PFKP: variants seen among roughly 807,000 people sequenced by gnomAD.
The protein encoded by PFKP is ATP-dependent 6-phosphofructokinase, platelet type.
PFKP carries 101 observed loss-of-function variants against 94.3 expected under a neutral mutation model. The ratio of observed to expected loss-of-function variants is 1.07; its 90% confidence interval spans 0.91 to 1.26. The LOEUF (loss-of-function observed/expected upper bound fraction) is 1.26, where lower values mean the gene tolerates loss of function less well. PFKP is among the 50% of genes most tolerant of loss of function. The pLI, the probability that PFKP is intolerant of heterozygous loss-of-function variation, is 0.00. For synonymous variants in PFKP, 573 were observed against 432.6 expected, an observed-to-expected ratio of 1.32 and a Z score of -4.03; for missense variants, 1,145 against 1,103.3, an observed-to-expected ratio of 1.04 and a Z score of -0.53.
At position 3,067,557 on chromosome 10, in the gene PFKP, T is replaced by C. The variant is rs1026790491; in HGVS notation, c.-39T>C. The C allele has an allele frequency of 6.1e-6, 7 of 1,149,776 alleles. No homozygotes were observed. The highest frequency in any genetic ancestry group is 7.4e-6 in the Non-Finnish European group (6 of 806,656). The allele number at this position is 1,149,776 out of a possible 1,614,324, so 71.2% of individuals were successfully genotyped here. A position where few individuals can be genotyped will look rare whatever the true frequency, so the allele number is the denominator to read the frequency against. ...CGCGGGCAGGGTCCCCATTGCCTGC[T>C]GCGCACCCGGACGTGCGGCTCCCCT... On this transcript the variant is annotated 5_prime_UTR_variant, in exon 1 of 22. Transcript: ENST00000381125.
At chr10:3,100,862 C>CAAAATAAATAAAAA in intron 3 of PFKP, 2 of 653,980 alleles carry the variant, frequency 3.1e-6, no homozygotes, top group Non-Finnish European at 5.0e-6. Context: ...GTATGTGGTG[C>CAAAATAAATAAAAA]AAAAAAAAAA....
intron 16 of PFKP, chr10:3,129,224 T>C (rs1838285189): frequency 6.6e-6 from 1 of 152,268 alleles, no homozygotes; most frequent in African/African-American, 2.4e-5. Context: ...TGGGATCCGA[T>C]GCCTGTGCAT....
intron 1 of PFKP, among the ~76,000 whole-genome samples, chr10:3,074,952 G>T (rs1373980055): frequency 6.6e-6 from 1 of 152,070 alleles, no homozygotes; most frequent in Non-Finnish European, 1.5e-5. Flanking sequence ...CCAGAACAGA[G>T]ATTTACCCAC....
chr10:3,090,174 C>T (rs999539840), intron 2 of PFKP, among the ~76,000 whole-genome samples: 9 of 152,120 alleles, frequency 5.9e-5, no homozygotes, highest in Non-Finnish European at 1.0e-4. Flanking sequence ...GGCGTATATA[C>T]GCAATGGAAT....
intron 2 of PFKP, among the ~76,000 whole-genome samples, chr10:3,091,175 T>C (rs1057066895): frequency 6.6e-6 from 1 of 152,182 alleles, no homozygotes; most frequent in African/African-American, 2.4e-5. Flanking sequence ...AGTTAACCCA[T>C]TCCTTTCTAC....
rs1276350172 is a variant in PFKP at position 3,135,895 on chromosome 10, G to C, written c.2225+57G>C. ...ACCCCAATGTGAGTACGGGACAGGG[G>C]AATGGCCATTGCTGTTGCTGTCGGC... On this transcript the variant is annotated intron_variant, in intron 21 of 21. Coordinates refer to ENST00000381125, the MANE Select transcript of PFKP (RefSeq NM_002627.5). The C allele has an allele frequency of 3.0e-6, 3 of 1,005,044 alleles. No individual in the cohort carries two copies. The East Asian group carries it at 7.2e-5, about 24-fold the overall frequency. The allele number at this position is 1,005,044 out of a possible 1,614,324, so 62.3% of individuals were successfully genotyped here.
At chr10:3,098,534 G>A (rs1052009499) in intron 2 of PFKP, among the ~76,000 whole-genome samples, 1 of 151,876 alleles carries the variant, frequency 6.6e-6, no homozygotes, top group African/African-American at 2.4e-5. Flanking sequence ...AATTAGCCAG[G>A]TGCAGTGGCA....
intron 10 of PFKP, among the ~76,000 whole-genome samples, chr10:3,111,008 GTA>G (rs1472391907): frequency 1.3e-5 from 2 of 151,676 alleles, no homozygotes; most frequent in Admixed American, 6.6e-5. Flanking sequence ...GTGTGAGGTA[GTA>G]TGTTTCTGCA....
At position 3,101,164 on chromosome 10, in the gene PFKP, C is replaced by T. The variant is rs73573155; in HGVS notation, c.265-201C>T. Reference sequence around the variant, plus strand: ...TCCCTGGCTCCTCCTGGGTGTCACGCGCCTGTCTTTGTCCATGGAATGCTG... The same window carrying T: ...TCCCTGGCTCCTCCTGGGTGTCACGTGCCTGTCTTTGTCCATGGAATGCTG... On this transcript the variant is annotated intron_variant, in intron 3 of 21. Transcript: ENST00000381125. 4.9e-3 allele frequency among the ~76,000 whole-genome samples: 747 copies of T among 152,282 alleles called. 10 individuals are homozygous for T. Among genetic ancestry groups the T allele is most frequent in the African/African-American group, 0.016 (671 of 41,546 alleles).
chr10:3,082,552 T>C lies in PFKP; in HGVS notation c.186+91T>C, dbSNP rs975492650. 7.0e-6 allele frequency: 6 copies of C among 859,018 alleles called. No individual in the cohort carries two copies. The Admixed American group carries it at 1.4e-4, about 20-fold the overall frequency. 53.2% of individuals were successfully genotyped at this position (859,018 alleles called of 1,614,324 possible). A position where few individuals can be genotyped will look rare whatever the true frequency, so the allele number is the denominator to read the frequency against. ...CGCTCGCTCACCCCTGCCTCCCCCA[T>C]GCTGAGCACAGCCGAAGAGGTGGGC... On this transcript the variant is annotated intron_variant, in intron 2 of 21. Transcript: ENST00000381125.
chr10:3,132,790 G>GC (rs1564358393), intron 18 of PFKP, among the ~76,000 whole-genome samples: 1 of 152,086 alleles, frequency 6.6e-6, no homozygotes, highest in Non-Finnish European at 1.5e-5. Context: ...GATAGTACCC[G>GC]CCCCCTGTAT....
At chr10:3,103,609 A>G (rs1356894801) in intron 4 of PFKP, among the ~76,000 whole-genome samples, 170 bp from the exon 5 acceptor site, 1 of 152,236 alleles carries the variant, frequency 6.6e-6, no homozygotes, top group Non-Finnish European at 1.5e-5. Context: ...AGCCTGGTCA[A>G]CAGTGAGACC....
chr10:3,132,049 C>T (rs1838646851), intron 17 of PFKP, among the ~76,000 whole-genome samples: 1 of 152,164 alleles, frequency 6.6e-6, no homozygotes, highest in South Asian at 2.1e-4. Flanking sequence ...AGAACATCGT[C>T]ATGCAAATAA....
intron 1 of PFKP, among the ~76,000 whole-genome samples, chr10:3,073,739 C>T (rs2131378542): frequency 6.7e-6 from 1 of 149,578 alleles, no homozygotes; most frequent in East Asian, 1.9e-4. Flanking sequence ...GAAAGGGTGG[C>T]ATGCAGTAGC....
intron 3 of PFKP, among the ~76,000 whole-genome samples, chr10:3,099,911 GTGTC>G (rs1215083564): frequency 1.3e-5 from 2 of 151,994 alleles, no homozygotes; most frequent in South Asian, 2.1e-4. Context: ...AGTCTGGTGT[GTGTC>G]TGTATGTAGG....
At position 3,103,955 on chromosome 10, in the gene PFKP, C is replaced by T; in HGVS notation, c.620+11C>T. The stretch of plus-strand genomic sequence containing the variant: ...GACCACGGCCCAGAGGTAAAGCGCT[C>T]AGAGGAACCGGCGGGAGGCCAGTGG... On this transcript the variant is annotated intron_variant, in intron 5 of 21. Transcript: ENST00000381125. 7 of 1,612,238 alleles carry T rather than the reference C, an allele frequency of 4.3e-6. No individual in the cohort carries two copies. Among genetic ancestry groups the T allele is most frequent in the Non-Finnish European group, 5.9e-6 (7 of 1,179,460 alleles).
chr10:3,068,497 G>C (rs927686024), intron 1 of PFKP: 4 of 185,174 alleles, frequency 2.2e-5, no homozygotes, highest in African/African-American at 9.5e-5. Context: ...GGAAGGATCA[G>C]GAAGCGGGGA....
chr10:3,087,984 C>CTTTTTTTTTTTTTTTTTTTTT (rs1224829610), intron 2 of PFKP, among the ~76,000 whole-genome samples: 9 of 96,588 alleles, frequency 9.3e-5, no homozygotes, highest in Admixed American at 1.2e-4. Flanking sequence ...ATCTTTCATT[C>CTTTTTTTTTTTTTTTTTTTTT]TTTTTTTTTT....
intron 5 of PFKP, 25 bp downstream of exon 5, chr10:3,103,969 G>A (rs1175975094): frequency 1.2e-6 from 2 of 1,608,008 alleles, no homozygotes; most frequent in African/African-American, 2.7e-5. Context: ...GGAACCGGCG[G>A]GAGGCCAGTG....
Sources: gnomAD v4.1 joint callset for allele counts (sites outside exome capture counted in the v4.1 genomes callset) on GRCh38, gnomAD v4.1.1 for gene constraint, MANE v1.5 for transcripts, NCBI Gene and HGNC (gene_info 2026-07-23, HGNC 2026-07-21) for gene names.